DKK2: variants seen among roughly 807,000 people sequenced by gnomAD.
DKK2 encodes the protein dickkopf-related protein 2.
DKK2 carries 11 observed loss-of-function variants against 28.1 expected under a neutral mutation model. The observed-to-expected ratio is 0.39, with a 90% CI of 0.25 to 0.65. DKK2 has a LOEUF of 0.65. Ranked by LOEUF, DKK2 falls within the 30% of genes least tolerant of loss-of-function variation. DKK2 has a pLI of 0.47. For missense variants in DKK2, 326 were observed against 335.5 expected (o/e 0.97, Z 0.22); for synonymous variants, 135 against 126.5 (o/e 1.07, Z -0.45).
At chr4:106,926,101 C>T in intron 1 of DKK2, 152 bp from the exon 2 acceptor site, 1 of 786,396 alleles carries the variant, frequency 1.3e-6, no homozygotes, top group South Asian at 2.8e-5. Flanking sequence ...AACCTAGAGC[C>T]TAAGTAGTCA....
At chr4:106,961,074 G>A (rs1722678383) in intron 1 of DKK2, among the ~76,000 whole-genome samples, 1 of 151,994 alleles carries the variant, frequency 6.6e-6, no homozygotes, top group Admixed American at 6.6e-5. Context: ...AATACATGAA[G>A]AGGCTAATTG....
intron 1 of DKK2, among the ~76,000 whole-genome samples, chr4:106,988,144 G>A (rs1043523664): frequency 1.1e-4 from 16 of 152,142 alleles, no homozygotes; most frequent in Non-Finnish European, 1.5e-4. Context: ...GATTACAGGC[G>A]TGAGCCACCG....
intron 1 of DKK2, among the ~76,000 whole-genome samples, chr4:106,979,674 T>C (rs1722997736): frequency 6.6e-6 from 1 of 152,220 alleles, no homozygotes; most frequent in East Asian, 1.9e-4. Flanking sequence ...TTGCTGACCA[T>C]GGCCAAAATC....
intron 1 of DKK2, among the ~76,000 whole-genome samples, chr4:107,022,102 C>A (rs934835301): frequency 2.6e-5 from 4 of 151,976 alleles, no homozygotes; most frequent in Non-Finnish European, 5.9e-5. Flanking sequence ...AAAATGTTCA[C>A]CCTTGGAAAT....
intron 1 of DKK2, among the ~76,000 whole-genome samples, chr4:106,981,875 C>T (rs994624408): frequency 1.8e-4 from 28 of 152,150 alleles, no homozygotes; most frequent in African/African-American, 6.3e-4. Context: ...TATAATCTCT[C>T]TCCAGCTAAA....
chr4:106,939,750 C>A (rs997501540), intron 1 of DKK2, among the ~76,000 whole-genome samples: 5 of 152,080 alleles, frequency 3.3e-5, no homozygotes, highest in African/African-American at 1.2e-4. Flanking sequence ...GGTACTGATA[C>A]CAAAACAGAG....
chr4:107,014,913 TA>T (rs1462872494), intron 1 of DKK2, among the ~76,000 whole-genome samples: 1 of 151,616 alleles, frequency 6.6e-6, no homozygotes, highest in Non-Finnish European at 1.5e-5. Context: ...GTAGATTATT[TA>T]CTTATTCACC....
At chr4:107,009,728 TA>T (rs1723488158) in intron 1 of DKK2, among the ~76,000 whole-genome samples, 1 of 151,854 alleles carries the variant, frequency 6.6e-6, no homozygotes, top group Non-Finnish European at 1.5e-5. Context: ...GTCACTTTAA[TA>T]AAATACACAA....
chr4:106,936,310 G>A (rs1241955403), intron 1 of DKK2, among the ~76,000 whole-genome samples: 3 of 152,182 alleles, frequency 2.0e-5, no homozygotes, highest in South Asian at 2.1e-4. Context: ...CAAGAACTAC[G>A]TGAAGAATGC....
At chr4:107,019,651 C>T (rs147084818) in intron 1 of DKK2, among the ~76,000 whole-genome samples, 2 of 152,072 alleles carry the variant, frequency 1.3e-5, no homozygotes, top group African/African-American at 4.8e-5. Flanking sequence ...ACTGCATTAT[C>T]CACAGATAAT....
intron 1 of DKK2, among the ~76,000 whole-genome samples, chr4:106,963,351 T>TA (rs34068030): frequency 0.022 from 3,070 of 137,930 alleles, 50 homozygotes; most frequent in Middle Eastern, 0.026. Context: ...AGACTCTGTC[T>TA]AAAAAAAAAA....
chr4:106,965,001 A>ATAGG (rs1372805937), intron 1 of DKK2, among the ~76,000 whole-genome samples: 78 of 147,240 alleles, frequency 5.3e-4, no homozygotes, highest in African/African-American at 2.0e-3. Context: ...AGATAGATAG[A>ATAGG]TAGATTGATT....
chr4:107,016,447 C>G (rs972251537), intron 1 of DKK2, among the ~76,000 whole-genome samples: 3 of 151,814 alleles, frequency 2.0e-5, no homozygotes, highest in South Asian at 4.1e-4. Context: ...GAAAAGCAAA[C>G]CCTAGACTAC....
intron 1 of DKK2, among the ~76,000 whole-genome samples, chr4:106,968,716 A>G (rs557310296): frequency 7.2e-5 from 11 of 152,142 alleles, no homozygotes; most frequent in East Asian, 1.9e-4. Context: ...TTCATTTTCC[A>G]TATGGCGTTC....
intron 2 of DKK2, among the ~76,000 whole-genome samples, chr4:106,925,035 T>C (rs1724405962): frequency 6.6e-6 from 1 of 152,206 alleles, no homozygotes; most frequent in Non-Finnish European, 1.5e-5. Flanking sequence ...TGATCAGACA[T>C]ACATCCTCTG....
At chr4:107,028,760 T>C (rs974210254) in intron 1 of DKK2, among the ~76,000 whole-genome samples, 2 of 152,202 alleles carry the variant, frequency 1.3e-5, no homozygotes, top group African/African-American at 4.8e-5. Flanking sequence ...ATTTAGAGAA[T>C]TTCCCCAGTC....
At chr4:106,926,712 C>T (rs1724430827) in intron 1 of DKK2, among the ~76,000 whole-genome samples, 1 of 152,126 alleles carries the variant, frequency 6.6e-6, no homozygotes, top group South Asian at 2.1e-4. Flanking sequence ...AACCTCTGTT[C>T]ATACATTTCT....
rs190790440 is a variant in DKK2 at position 107,032,335 on chromosome 4, T to C, written c.222+3035A>G. The stretch of plus-strand genomic sequence containing the variant: ...AACAGTGGATTTTCTCTCTCTAAAT[T>C]TTTTCTAAAATTCAAAGCCACATTT... On this transcript the variant is annotated intron_variant, in intron 1 of 3. Coordinates refer to ENST00000285311, the MANE Select transcript of DKK2 (RefSeq NM_014421.3). 5.6e-3 allele frequency among the ~76,000 whole-genome samples: 852 copies of C among 152,124 alleles called. 6 individuals are homozygous for C. Among genetic ancestry groups the C allele is most frequent in the Non-Finnish European group, 7.0e-3 (472 of 67,886 alleles).
intron 1 of DKK2, among the ~76,000 whole-genome samples, chr4:106,966,856 T>A (rs1003572830): frequency 1.3e-5 from 2 of 152,130 alleles, no homozygotes; most frequent in African/African-American, 4.8e-5. Flanking sequence ...AGACCTACCC[T>A]CATAATTCAA....
Sources: gnomAD v4.1 joint callset for allele counts (sites outside exome capture counted in the v4.1 genomes callset) on GRCh38, gnomAD v4.1.1 for gene constraint, MANE v1.5 for transcripts, NCBI Gene and HGNC (gene_info 2026-07-23, HGNC 2026-07-21) for gene names.